The following KLF15 variants were observed in gnomAD, a reference collection of about 807,000 sequenced individuals.
KLF15 encodes the protein KLF transcription factor 15.
KLF15 carries 4 observed loss-of-function variants against 24.6 expected under a neutral mutation model. That is an observed-to-expected ratio of 0.16 (90% CI 0.08 to 0.37). The LOEUF (loss-of-function observed/expected upper bound fraction) is 0.37, where lower values mean the gene tolerates loss of function less well. Ranked by LOEUF, KLF15 falls within the 10% of genes least tolerant of loss-of-function variation. KLF15 has a pLI of 1.00. For missense variants in KLF15, 496 were observed against 560.6 expected (o/e 0.88, Z 1.16); for synonymous variants, 246 against 236.3 (o/e 1.04, Z -0.37).
chr3:126,352,344 G>A lies in KLF15; in HGVS notation c.579C>T (p.Ser193=). 6.3e-7 allele frequency: 1 copy of A among 1,588,412 alleles called. No homozygotes were observed. Among genetic ancestry groups the A allele is most frequent in the South Asian group, 1.2e-5 (1 of 86,234 alleles). Residue 193 remains serine, a synonymous_variant, in exon 2 of 3, where the codon TCC becomes TCT. Coordinates refer to ENST00000296233, the MANE Select transcript of KLF15 (RefSeq NM_014079.4). ...HPGSSGRERC[S]PPPGGASAGG... ...CTGCACTGGCACCACCTGGTGGAGG[G>A]GAACAGCGCTCTCTCCCGCTGGACC...
intron 2 of KLF15, among the ~76,000 whole-genome samples, chr3:126,345,991 C>T (rs115230518): frequency 0.016 from 2,396 of 152,318 alleles, 62 homozygotes; most frequent in African/African-American, 0.054. Flanking sequence ...GCCCCTGAGG[C>T]TGGAGCAGAG....
At chr3:126,307,734 T>C in the KLF15 span, among the ~76,000 whole-genome samples, 245 of 152,332 alleles carry the variant, frequency 1.6e-3, 1 homozygote, top group African/African-American at 5.7e-3. Flanking sequence ...GTTGGGCCTC[T>C]GCTGCATGGT....
At chr3:126,355,905 G>A (rs181556935) in intron 1 of KLF15, among the ~76,000 whole-genome samples, 11 of 152,334 alleles carry the variant, frequency 7.2e-5, no homozygotes, top group Admixed American at 3.3e-4. Context: ...GACACTCTAG[G>A]GCTGGAGCTG....
At chr3:126,290,514 T>TCCTC in the KLF15 span, among the ~76,000 whole-genome samples, 11 of 149,094 alleles carry the variant, frequency 7.4e-5, no homozygotes, top group African/African-American at 2.0e-4. Flanking sequence ...CTACCTTCCT[T>TCCTC]CCTTCCTTCC....
the KLF15 span, among the ~76,000 whole-genome samples, chr3:126,323,403 T>TTATATATATA: frequency 1.6e-4 from 8 of 50,824 alleles, no homozygotes; most frequent in African/African-American, 7.7e-4. Context: ...GCCCCAGTAG[T>TTATATATATA]TATATATATA....
At chr3:126,318,109 C>T in the KLF15 span, among the ~76,000 whole-genome samples, 1 of 152,298 alleles carries the variant, frequency 6.6e-6, no homozygotes, top group African/African-American at 2.4e-5. Flanking sequence ...CCTGTCCGCT[C>T]TCACCCTGCC....
the KLF15 span, among the ~76,000 whole-genome samples, chr3:126,297,422 T>C: frequency 6.6e-6 from 1 of 152,236 alleles, no homozygotes; most frequent in East Asian, 1.9e-4. Flanking sequence ...TTCATATAAA[T>C]TTGAATCCAT....
the KLF15 span, among the ~76,000 whole-genome samples, chr3:126,307,913 C>T: frequency 6.6e-6 from 1 of 152,170 alleles, no homozygotes. Flanking sequence ...CCTCCTTAGC[C>T]CCCCTTGTCT....
the KLF15 span, among the ~76,000 whole-genome samples, chr3:126,300,303 C>T: frequency 3.3e-5 from 5 of 152,214 alleles, no homozygotes; most frequent in African/African-American, 1.2e-4. Flanking sequence ...CTGTGGCGTC[C>T]TGTGCCTATA....
the KLF15 span, among the ~76,000 whole-genome samples, chr3:126,335,203 C>T: frequency 7.2e-6 from 1 of 138,398 alleles, no homozygotes; most frequent in African/African-American, 2.8e-5. Flanking sequence ...AATCCAGCAG[C>T]ACATCAAAAA....
chr3:126,312,936 A>T, the KLF15 span, among the ~76,000 whole-genome samples: 1 of 152,144 alleles, frequency 6.6e-6, no homozygotes, highest in Non-Finnish European at 1.5e-5. Flanking sequence ...GGCAGCTCCC[A>T]GCTCCCCTTT....
At chr3:126,329,855 C>G in the KLF15 span, among the ~76,000 whole-genome samples, 1 of 136,036 alleles carries the variant, frequency 7.4e-6, no homozygotes, top group Non-Finnish European at 1.6e-5. Context: ...TTTTTTTTTA[C>G]CAATTTCCTG....
At chr3:126,327,377 G>T in the KLF15 span, among the ~76,000 whole-genome samples, 2 of 152,182 alleles carry the variant, frequency 1.3e-5, no homozygotes, top group Non-Finnish European at 1.5e-5. Flanking sequence ...GACATGATCA[G>T]ACCGACTTTA....
the KLF15 span, among the ~76,000 whole-genome samples, chr3:126,300,330 A>G: frequency 6.6e-6 from 1 of 151,952 alleles, no homozygotes; most frequent in Non-Finnish European, 1.5e-5. Flanking sequence ...GGACCCCACC[A>G]CCTCACAGCT....
rs1228542413 is a variant in KLF15 at position 126,343,617 on chromosome 3, G to C, written c.*110C>G. On this transcript the variant is annotated 3_prime_UTR_variant, in exon 3 of 3. Transcript: ENST00000296233. ...ACACCTCCCAGGCTTCAGAAGGTGG[G>C]CTGGTAACATTGCCATGTCCCTCTG... 9.1e-7 allele frequency: 1 copy of C among 1,101,502 alleles called. No individual in the cohort carries two copies. Among genetic ancestry groups the C allele is most frequent in the East Asian group, 2.6e-5 (1 of 38,122 alleles). The allele number at this position is 1,101,502 out of a possible 1,614,324, so 68.2% of individuals were successfully genotyped here. A position where few individuals can be genotyped will look rare whatever the true frequency, so the allele number is the denominator to read the frequency against.
the KLF15 span, among the ~76,000 whole-genome samples, chr3:126,329,684 G>T: frequency 6.8e-6 from 1 of 147,270 alleles, no homozygotes; most frequent in Non-Finnish European, 1.5e-5. Context: ...CTTTGGATTT[G>T]TACTGGAATT....
the KLF15 span, among the ~76,000 whole-genome samples, chr3:126,319,770 C>G: frequency 6.6e-6 from 1 of 152,094 alleles, no homozygotes; most frequent in Non-Finnish European, 1.5e-5. Flanking sequence ...ATTTCTAGTC[C>G]CAGCTTACAA....
chr3:126,308,484 G>A, the KLF15 span, among the ~76,000 whole-genome samples: 131 of 152,288 alleles, frequency 8.6e-4, no homozygotes, highest in African/African-American at 3.0e-3. Context: ...GGAGCTGCAC[G>A]TCCCGGTGTC....
chr3:126,338,124 G>A (rs1292329124), downstream of KLF15, among the ~76,000 whole-genome samples: 1 of 152,214 alleles, frequency 6.6e-6, no homozygotes, highest in Non-Finnish European at 1.5e-5. Flanking sequence ...GGCATCCTCT[G>A]CCAGGATGTG....
Sources: allele counts gnomAD v4.1 joint callset (sites outside exome capture counted in the v4.1 genomes callset), GRCh38; gene constraint gnomAD v4.1.1; transcripts MANE v1.5; gene names NCBI Gene and HGNC (gene_info 2026-07-23, HGNC 2026-07-21).